Variants in PLXNA4 observed in about 807,000 individuals in gnomAD.
PLXNA4 encodes plexin A4.
A neutral mutation model predicts 191.8 loss-of-function variants in PLXNA4; 44 were observed. The ratio of observed to expected loss-of-function variants is 0.23; its 90% CI spans 0.18 to 0.29. PLXNA4 has a LOEUF of 0.29. Among genes scored for constraint, PLXNA4 ranks in the 10% least tolerant of loss-of-function variants. The pLI is 1.00. For synonymous variants in PLXNA4, 1,082 were observed against 1,009.5 expected, an observed-to-expected ratio of 1.07 and a Z score of -1.36; for missense variants, 1,800 against 2,488.8, an observed-to-expected ratio of 0.72 and a Z score of 5.89.
chr7:132,282,962 G>C (rs770310068), intron 4 of PLXNA4, among the ~76,000 whole-genome samples: 11 of 151,896 alleles, frequency 7.2e-5, no homozygotes, highest in African/African-American at 2.7e-4. Flanking sequence ...CTGCAGCCTC[G>C]ATCTCCTGGG....
chr7:132,147,761 G>T (rs2116574049), intron 27 of PLXNA4, 139 bp downstream of exon 27: 4 of 1,112,632 alleles, frequency 3.6e-6, no homozygotes, highest in Non-Finnish European at 2.5e-6. Flanking sequence ...CCCCCACCTG[G>T]CTCTCTTCCC....
At position 132,147,960 on chromosome 7, in the gene PLXNA4, C is replaced by G. The variant is rs2116575029; in HGVS notation, c.4804G>C (p.Val1602Leu). 5.6e-6 allele frequency: 9 copies of G among 1,614,148 alleles called. No individual in the cohort carries two copies. The highest frequency in any genetic ancestry group is 7.6e-6 in the Non-Finnish European group (9 of 1,180,016). Reference protein sequence around the residue: ...GSVVALVSKQVTAYNAVNNST... With the variant: ...GSVVALVSKQLTAYNAVNNST... ...TTGTTCACTGCGTTATAGGCTGTCA[C>G]CTGCTTGGACACTAATGCCACCACG... Residue 1602 changes from valine to leucine, a missense_variant, in exon 27 of 32, where the codon GTG (valine) becomes CTG (leucine). Around this residue, in one of 6 missense-constraint regions of PLXNA4, gnomAD observed 214 missense variants for 298.2 expected, o/e 0.72. Transcript: ENST00000321063.
intron 3 of PLXNA4, among the ~76,000 whole-genome samples, chr7:132,339,107 G>A (rs1802927299): frequency 6.6e-6 from 1 of 152,174 alleles, no homozygotes; most frequent in South Asian, 2.1e-4. Flanking sequence ...GTCTCTTCTG[G>A]CTCAAGTGAT....
rs369466076 is a variant in PLXNA4 at position 132,187,557 on chromosome 7, C to T, written c.2907G>A (p.Gly969=). 43 of 1,614,042 alleles carry T rather than the reference C, an allele frequency of 2.7e-5. No homozygotes were observed. The highest frequency in any genetic ancestry group is 1.6e-4 in the Middle Eastern group (1 of 6,062). The part of the protein sequence containing the change: ...LKPSRGPMSG[G]TQVTITGTNL... ...TGGTGCCTGTGATGGTCACTTGGGT[C>T]CCTCCGGACATGGGCCCCCGGCTGG... is the stretch of plus-strand genomic sequence containing the variant. The change falls in exon 15 of 32, where the codon GGG becomes GGA. Residue 969 remains glycine, a synonymous_variant. Coordinates refer to ENST00000321063, the MANE Select transcript of PLXNA4 (RefSeq NM_020911.2).
chr7:132,621,452 G>A (rs1278161598), intron 2 of PLXNA4, among the ~76,000 whole-genome samples: 2 of 151,826 alleles, frequency 1.3e-5, no homozygotes, highest in African/African-American at 2.4e-5. Flanking sequence ...ACAGAGACGG[G>A]GTTTCACCAT....
chr7:132,485,159 A>G, intron 3 of PLXNA4: 1 of 1,216,746 alleles, frequency 8.2e-7, no homozygotes, highest in East Asian at 2.5e-5. Flanking sequence ...TGCACCCAGT[A>G]CCTATTCAGA....
At chr7:132,217,284 C>A (rs928973430) in intron 9 of PLXNA4, among the ~76,000 whole-genome samples, 1 of 152,156 alleles carries the variant, frequency 6.6e-6, no homozygotes, top group Non-Finnish European at 1.5e-5. Context: ...TATACAGAGG[C>A]TTCATTGCAT....
intron 4 of PLXNA4, among the ~76,000 whole-genome samples, chr7:132,287,573 G>A (rs1008424487): frequency 1.3e-5 from 2 of 151,902 alleles, no homozygotes; most frequent in South Asian, 2.1e-4. Flanking sequence ...GACCCCCCCC[G>A]GAGCCTCCAT....
intron 1 of PLXNA4, among the ~76,000 whole-genome samples, chr7:132,533,087 C>A (rs988772037): frequency 6.6e-6 from 1 of 152,202 alleles, no homozygotes; most frequent in African/African-American, 2.4e-5. Context: ...AATAATAGAA[C>A]CTGTATACAC....
intron 25 of PLXNA4, among the ~76,000 whole-genome samples, chr7:132,150,004 G>T (rs1382148419): frequency 1.3e-5 from 2 of 152,094 alleles, no homozygotes; most frequent in South Asian, 4.2e-4. Context: ...AGTCCCTGGG[G>T]CTCCAGTCCC....
At chr7:132,561,589 CCTT>C (rs1317797356) in intron 1 of PLXNA4, among the ~76,000 whole-genome samples, 3 of 125,916 alleles carry the variant, frequency 2.4e-5, no homozygotes, top group African/African-American at 6.1e-5. Context: ...TCCTCTTCCT[CCTT>C]CTCTTCCTCC....
chr7:132,600,742 A>G (rs550969598), intron 2 of PLXNA4, among the ~76,000 whole-genome samples: 6 of 152,128 alleles, frequency 3.9e-5, no homozygotes, highest in Non-Finnish European at 2.9e-5. Context: ...CATCTAGCCT[A>G]TAATTATTCA....
intron 2 of PLXNA4, among the ~76,000 whole-genome samples, chr7:132,489,699 TCTC>T (rs1797705149): frequency 6.6e-6 from 1 of 151,942 alleles, no homozygotes; most frequent in Admixed American, 6.6e-5. Flanking sequence ...GGTCCGCAGG[TCTC>T]CTTTCTCCAT....
At chr7:132,227,333 C>G (rs1584871323) in intron 7 of PLXNA4, 118 bp downstream of exon 7, 6 of 1,381,536 alleles carry the variant, frequency 4.3e-6, no homozygotes, top group Non-Finnish European at 6.0e-6. Flanking sequence ...ATCCCATGCC[C>G]CTTCCTCTGA....
At chr7:132,441,060 A>G (rs192880049) in intron 3 of PLXNA4, among the ~76,000 whole-genome samples, 28 of 152,362 alleles carry the variant, frequency 1.8e-4, no homozygotes, top group Admixed American at 1.8e-3. Context: ...TAGGATATTG[A>G]AGACTCAGCT....
At chr7:132,532,280 C>T (rs142630254) in intron 1 of PLXNA4, among the ~76,000 whole-genome samples, 8 of 152,358 alleles carry the variant, frequency 5.3e-5, no homozygotes, top group African/African-American at 1.9e-4. Context: ...GGTCAGGACT[C>T]TGTCACAGTG....
chr7:132,139,657 T>C (rs1428424362), intron 30 of PLXNA4, among the ~76,000 whole-genome samples: 5 of 152,170 alleles, frequency 3.3e-5, no homozygotes. Flanking sequence ...TCTTAAACCA[T>C]ACAGAGGCAC....
rs117362874 is a variant in PLXNA4, at chr7:132,412,440, T to C, written c.1371+76852A>G. On this transcript the variant is annotated intron_variant, in intron 3 of 31. Transcript: ENST00000321063. ...AGCGACCTGCAGGAAACTGAAATCA[T>C]AGGAGACTTGGGCAAAGACGAAGGG... is the stretch of plus-strand genomic sequence containing the variant. Among the ~76,000 whole-genome samples, 10 of 152,114 alleles carry C rather than the reference T, an allele frequency of 6.6e-5. No individual in the cohort carries two copies. The East Asian group carries it at 1.4e-3, about 21-fold the overall frequency.
At chr7:132,616,176 C>T (rs1046499898) in intron 2 of PLXNA4, among the ~76,000 whole-genome samples, 2 of 152,224 alleles carry the variant, frequency 1.3e-5, no homozygotes, top group African/African-American at 2.4e-5. Flanking sequence ...ATGCACCCCA[C>T]ACACCCACTC....
Sources: allele counts gnomAD v4.1 joint callset (sites outside exome capture counted in the v4.1 genomes callset), GRCh38; gene constraint gnomAD v4.1.1; regional missense constraint gnomAD v4.1.1; transcripts MANE v1.5; gene names NCBI Gene and HGNC (gene_info 2026-07-23, HGNC 2026-07-21).